FNTB: variants seen among roughly 807,000 people sequenced by gnomAD.
FNTB encodes protein farnesyltransferase subunit beta.
Under a neutral mutation model 59.4 loss-of-function variants are expected in FNTB, and 27 were observed. The observed-to-expected ratio is 0.45, with a 90% CI of 0.34 to 0.63. The LOEUF (loss-of-function observed/expected upper bound fraction) is 0.63. Among genes scored for constraint, FNTB ranks in the 20% least tolerant of loss-of-function variants. The probability of loss-of-function intolerance (pLI) is 0.02; values close to 1 mark genes in which losing one functional copy is unlikely to be tolerated. For missense variants in FNTB, 449 were observed against 559.6 expected, an observed-to-expected ratio of 0.80 and a Z score of 1.99; for synonymous variants, 230 against 220.7, an observed-to-expected ratio of 1.04 and a Z score of -0.37.
intron 4 of FNTB, among the ~76,000 whole-genome samples, chr14:65,026,956 C>A (rs1156706082): frequency 6.6e-6 from 1 of 152,034 alleles, no homozygotes; most frequent in Non-Finnish European, 1.5e-5. Flanking sequence ...GTGAGAAGAC[C>A]TCTATTTACA....
intron 4 of FNTB, among the ~76,000 whole-genome samples, chr14:65,022,915 G>A (rs1159386608): frequency 2.6e-5 from 4 of 152,000 alleles, no homozygotes; most frequent in Non-Finnish European, 5.9e-5. Flanking sequence ...ATCTCTAAGC[G>A]TAATTCTTGC....
At position 64,986,948 on chromosome 14, in the gene FNTB, C is replaced by T. The variant is rs200261877; in HGVS notation, c.-6C>T. On this transcript the variant is annotated 5_prime_UTR_variant, in exon 1 of 12. Coordinates refer to ENST00000246166, the MANE Select transcript of FNTB (RefSeq NM_002028.4). ...GTCCTACACACTGTCTGCTGCTCTC[C>T]TGATCATGGCTTCTCCGAGTTCTTT... The T allele has an allele frequency of 1.9e-6, 3 of 1,614,244 alleles. No homozygotes were observed. The highest frequency in any genetic ancestry group is 1.7e-6 in the Non-Finnish European group (2 of 1,180,026).
chr14:64,993,275 A>G (rs945314883), intron 1 of FNTB, among the ~76,000 whole-genome samples: 5 of 152,230 alleles, frequency 3.3e-5, no homozygotes, highest in African/African-American at 9.6e-5. Flanking sequence ...AAAAAGTAAA[A>G]AATGAATAAA....
At chr14:65,049,451 G>A (rs2062559221) in intron 9 of FNTB, among the ~76,000 whole-genome samples, 1 of 152,146 alleles carries the variant, frequency 6.6e-6, no homozygotes, top group Non-Finnish European at 1.5e-5. Flanking sequence ...GATTTAAAAG[G>A]TGGATTCCAG....
At chr14:65,019,928 T>C (rs2061854415) in intron 4 of FNTB, among the ~76,000 whole-genome samples, 1 of 152,244 alleles carries the variant, frequency 6.6e-6, no homozygotes, top group South Asian at 2.1e-4. Flanking sequence ...TTTATTTATC[T>C]TGCACAGGGA....
rs2062103599 is a variant in FNTB, at chr14:65,032,360, T to C, written c.606-250T>C. 2 of 390,498 alleles carry C rather than the reference T, an allele frequency of 5.1e-6. No homozygotes were observed. Among genetic ancestry groups the C allele is most frequent in the Non-Finnish European group, 9.2e-6 (2 of 217,184 alleles). 24.2% of individuals were successfully genotyped at this position (390,498 alleles called of 1,614,324 possible). ...TGGCTGTTATTTCCTCTGATGTAGA[T>C]TGGACCATGTGGAGGTAGGGAGAAT... is the stretch of plus-strand genomic sequence containing the variant. On this transcript the variant is annotated intron_variant, in intron 6 of 11. Coordinates refer to ENST00000246166, the MANE Select transcript of FNTB (RefSeq NM_002028.4). This position sits in a 1 kb window ranked among gnomAD's most constrained non-coding sequence, Gnocchi z 5.0.
At chr14:65,034,653 T>C (rs2062151338) in intron 7 of FNTB, among the ~76,000 whole-genome samples, 2 of 152,224 alleles carry the variant, frequency 1.3e-5, no homozygotes, top group Admixed American at 1.3e-4. Flanking sequence ...TTCTCTTTTA[T>C]ATTTTGTGTT....
Position 65,027,393 on chromosome 14 carries a change from T to A in FNTB, c.375-60T>A. 1.9e-6 allele frequency: 3 copies of A among 1,596,768 alleles called. No homozygotes were observed. The highest frequency in any genetic ancestry group is 1.7e-5 in the Admixed American group (1 of 58,538). ...GGAAAGGCCTGGAATCTAGTGGGAA[T>A]TTGGTGTTTTGACATGAATGCTCTC... On this transcript the variant is annotated intron_variant, in intron 4 of 11. Coordinates refer to ENST00000246166, the MANE Select transcript of FNTB (RefSeq NM_002028.4). This position sits in a 1 kb window ranked among gnomAD's most constrained non-coding sequence, Gnocchi z 5.7.
At chr14:64,999,084 C>T (rs1888507555) in intron 1 of FNTB, among the ~76,000 whole-genome samples, 1 of 152,170 alleles carries the variant, frequency 6.6e-6, no homozygotes, top group African/African-American at 2.4e-5. Context: ...CACAAAAGAC[C>T]ACAGCTTTTA....
At chr14:65,045,102 T>C (rs879522196) in intron 9 of FNTB, among the ~76,000 whole-genome samples, 2 of 152,130 alleles carry the variant, frequency 1.3e-5, no homozygotes, top group African/African-American at 2.4e-5. Context: ...CCGAAGTAGT[T>C]AGTGAGCAAA....
At chr14:65,058,036 G>A (rs2139689422) in intron 11 of FNTB, among the ~76,000 whole-genome samples, 1 of 152,096 alleles carries the variant, frequency 6.6e-6, no homozygotes, top group East Asian at 1.9e-4. Context: ...GTGAATTGTA[G>A]GATCAGCCTG....
At chr14:65,005,449 TTTTCTTTCTTTC>T (rs71123898) in intron 2 of FNTB, among the ~76,000 whole-genome samples, 2,250 of 119,890 alleles carry the variant, frequency 0.019, 42 homozygotes, top group Middle Eastern at 0.023. Context: ...TCTTCCTTTC[TTTTCTTTCTTTC>T]TTTCTTTCTT....
In FNTB at chr14:65,027,762, G is replaced by A. The variant is rs1442556611; in HGVS notation, c.586G>A (p.Gly196Arg). The change falls in exon 6 of 12, where the codon GGA becomes AGA. Residue 196 changes from glycine (G) to arginine (R), a missense_variant. Gly to Arg is a moderately radical substitution (Grantham distance 125). Transcript: ENST00000246166. This position sits in a 1 kb window ranked among gnomAD's most constrained non-coding sequence, Gnocchi z 5.7. ...TGACGGCTCCTTTCTCATGCATGTCGGAGGTGAGGTGGATGTGAGGTGAGT... is the reference window on the plus strand; with the variant it reads ...TGACGGCTCCTTTCTCATGCATGTCAGAGGTGAGGTGGATGTGAGGTGAGT... ...QPDGSFLMHV[G>R]GEVDVRSAYC... 6 of 1,614,088 alleles carry A rather than the reference G, an allele frequency of 3.7e-6. No individual in the cohort carries two copies. The highest frequency in any genetic ancestry group is 1.3e-5 in the African/African-American group (1 of 74,998).
rs1189473034 is a variant in FNTB at position 65,044,974 on chromosome 14, T to C, written c.955+531T>C. 6.6e-6 allele frequency among the ~76,000 whole-genome samples: 1 copy of C among 152,184 alleles called. No individual in the cohort carries two copies. The highest frequency in any genetic ancestry group is 2.4e-5 in the African/African-American group (1 of 41,428). On this transcript the variant is annotated intron_variant, in intron 9 of 11. Coordinates refer to ENST00000246166, the MANE Select transcript of FNTB (RefSeq NM_002028.4). This position sits in a 1 kb window ranked among gnomAD's most constrained non-coding sequence, Gnocchi z 5.5. Reference sequence around the variant, plus strand: ...TGACTGGCTGCAGAGTTGTCACTATTAGAAATGTTTTATTTTACATTCATT... The same window carrying C: ...TGACTGGCTGCAGAGTTGTCACTATCAGAAATGTTTTATTTTACATTCATT...
chr14:65,016,105 C>T (rs2061768496), intron 4 of FNTB, among the ~76,000 whole-genome samples: 1 of 152,182 alleles, frequency 6.6e-6, no homozygotes, highest in African/African-American at 2.4e-5. Flanking sequence ...ATGCCTTTGC[C>T]TTTCCTACGC....
intron 9 of FNTB, among the ~76,000 whole-genome samples, chr14:65,045,284 T>C (rs569005070): frequency 6.6e-6 from 1 of 152,188 alleles, no homozygotes; most frequent in South Asian, 2.1e-4. Flanking sequence ...ATGAGATCCC[T>C]GGGTCCAAAG....
rs1208138432 is a variant in FNTB, at chr14:65,009,528, C to T, written c.210-2789C>T. ...ACATCAGAGACCTATATTTCGCTAG[C>T]TTCGTACCCATCATTTCTCGCTCAA... On this transcript the variant is annotated intron_variant, in intron 2 of 11. Coordinates refer to ENST00000246166, the MANE Select transcript of FNTB (RefSeq NM_002028.4). This position sits in a 1 kb window ranked among gnomAD's most constrained non-coding sequence, Gnocchi z 4.2. Among the ~76,000 whole-genome samples, 1 of 152,120 alleles carries T rather than the reference C, an allele frequency of 6.6e-6. No homozygotes were observed. Among genetic ancestry groups the T allele is most frequent in the Non-Finnish European group, 1.5e-5 (1 of 68,022 alleles).
intron 7 of FNTB, 27 bp from the exon 8 acceptor site, chr14:65,040,763 A>G: frequency 6.2e-7 from 1 of 1,607,788 alleles, no homozygotes; most frequent in Admixed American, 1.7e-5. Flanking sequence ...CTGGCCACTC[A>G]TTCTGCTTTT....
At chr14:65,046,233 C>T (rs1352969389) in intron 9 of FNTB, among the ~76,000 whole-genome samples, 1 of 152,192 alleles carries the variant, frequency 6.6e-6, no homozygotes. Flanking sequence ...GCCTTGGCCT[C>T]CCAAAGTGCT....
Sources: gnomAD v4.1 joint callset for allele counts (sites outside exome capture counted in the v4.1 genomes callset) on GRCh38, gnomAD v4.1.1 for gene constraint, Gnocchi (gnomAD v3.1) non-coding constraint, MANE v1.5 for transcripts, NCBI Gene and HGNC (gene_info 2026-07-23, HGNC 2026-07-21) for gene names.